PCLO: variants seen among roughly 807,000 people sequenced by gnomAD.
The protein encoded by PCLO is protein piccolo.
A neutral mutation model predicts 427.5 loss-of-function variants in PCLO; 82 were observed. The ratio of observed to expected loss-of-function variants is 0.19; its 90% CI spans 0.16 to 0.23. The LOEUF (loss-of-function observed/expected upper bound fraction) is 0.23. PCLO is among the 10% of genes least tolerant of loss of function. The probability of loss-of-function intolerance (pLI) is 1.00; values close to 1 mark genes in which losing one functional copy is unlikely to be tolerated. For synonymous variants in PCLO, 2,357 were observed against 2,155.4 expected, an observed-to-expected ratio of 1.09 and a Z score of -2.59; for missense variants, 6,239 against 6,115.9, an observed-to-expected ratio of 1.02 and a Z score of -0.67.
chr7:83,156,142 A>C lies in PCLO; in HGVS notation c.499T>G (p.Ser167Ala), dbSNP rs1270366995. 1 of 1,613,670 alleles carries C rather than the reference A, an allele frequency of 6.2e-7. No individual in the cohort carries two copies. Among genetic ancestry groups the C allele is most frequent in the African/African-American group, 1.3e-5 (1 of 74,874 alleles). Residue 167 changes from serine (S) to alanine (A), a missense_variant, in exon 2 of 25, where the codon TCC becomes GCC. Ser to Ala is a moderately conservative substitution (Grantham distance 99). Around this residue, in one of 5 missense-constraint regions of PCLO, gnomAD observed 4,677 missense variants for 4,468.4 expected, o/e 1.05. Coordinates refer to ENST00000333891, the MANE Select transcript of PCLO (RefSeq NM_033026.6). ...GGGTTGAATTTATTTACAACAGAGG[A>C]AACAGCACTTAAAGCGTTAACCTCT... ...LSEVNALSAV[S>A]SVVNKFNPFD... is the part of the protein sequence containing the mutation.
chr7:82,896,703 A>G (rs879599074), intron 9 of PCLO, among the ~76,000 whole-genome samples: 124,477 of 151,030 alleles, frequency 0.82, 51,421 homozygotes, highest in East Asian at 0.92. Context: ...CTATCCACAT[A>G]GCTCTACTAC....
At chr7:83,115,837 T>C (rs1014687247) in intron 3 of PCLO, among the ~76,000 whole-genome samples, 4 of 152,052 alleles carry the variant, frequency 2.6e-5, no homozygotes, top group African/African-American at 7.2e-5. Context: ...TATAGATTAA[T>C]ACACAACACT....
chr7:83,006,951 T>TTTTATGC (rs1265772120), intron 3 of PCLO, among the ~76,000 whole-genome samples: 1 of 151,482 alleles, frequency 6.6e-6, no homozygotes, highest in Non-Finnish European at 1.5e-5. Context: ...ATTTGCCACA[T>TTTTATGC]TATAGCATGC....
intron 16 of PCLO, among the ~76,000 whole-genome samples, chr7:82,831,307 ACT>A (rs1202209789): frequency 2.6e-5 from 4 of 152,084 alleles, no homozygotes; most frequent in Non-Finnish European, 5.9e-5. Flanking sequence ...TGTTATATGA[ACT>A]CAATTGATTA....
chr7:82,966,255 T>C lies in PCLO; in HGVS notation c.3533A>G (p.Glu1178Gly), dbSNP rs775204920. Residue 1178 changes from glutamate to glycine, a missense_variant, in exon 4 of 25, where the codon GAA (glutamate) becomes GGA (glycine). By Grantham distance (98) the Glu-to-Gly change is moderately conservative (BLOSUM62 -2). Around this residue, in one of 5 missense-constraint regions of PCLO, gnomAD observed 4,677 missense variants for 4,468.4 expected, o/e 1.05. Coordinates refer to ENST00000333891, the MANE Select transcript of PCLO (RefSeq NM_033026.6). Reference sequence around the variant, plus strand: ...AGGAATTTTTTCCATTGATAGTGTTTCCTTTACTTTTTCCAGAATGACTTT... The same window carrying C: ...AGGAATTTTTTCCATTGATAGTGTTCCCTTTACTTTTTCCAGAATGACTTT... The part of the protein sequence containing the change: ...AEKVILEKVK[E>G]TLSMEKIPPM... 16 of 1,612,000 alleles carry C rather than the reference T, an allele frequency of 9.9e-6. No individual in the cohort carries two copies. In the Admixed American group the frequency reaches 2.4e-4, roughly 24 times the overall value.
chr7:83,093,362 A>G (rs7785876), intron 3 of PCLO, among the ~76,000 whole-genome samples: 65,397 of 149,674 alleles, frequency 0.44, 14,695 homozygotes, highest in East Asian at 0.7. Context: ...AAAAATAGCA[A>G]GCAAAGCCTA....
rs1795432832 is a variant in PCLO at position 82,953,855 on chromosome 7, G to C, written c.7098C>G (p.Thr2366=). The C allele has an allele frequency of 1.2e-6, 2 of 1,613,638 alleles. No homozygotes were observed. Among genetic ancestry groups the C allele is most frequent in the Non-Finnish European group, 8.5e-7 (1 of 1,179,722 alleles). The change falls in exon 5 of 25, where the codon ACC becomes ACG. Residue 2366 remains threonine (T), a synonymous_variant. Transcript: ENST00000333891. ...GAGATGCAGGTTTTTCCTGACCAAAGGTCTCTCCAGATGTAAAGTATGTAG... is the reference window on the plus strand; with the variant it reads ...GAGATGCAGGTTTTTCCTGACCAAACGTCTCTCCAGATGTAAAGTATGTAG... The part of the protein sequence containing the change: ...LSTTYFTSGE[T]FGQEKPASQL...
chr7:82,870,642 T>G (rs1793211448), intron 10 of PCLO, among the ~76,000 whole-genome samples: 1 of 151,818 alleles, frequency 6.6e-6, no homozygotes, highest in Admixed American at 6.6e-5. Flanking sequence ...ATCAACAAAG[T>G]GAAGAGACAA....
chr7:82,953,799 G>C lies in PCLO; in HGVS notation c.7154C>G (p.Ser2385Cys), dbSNP rs1456829306. ...QLPSGSPSVS[S>C]LPAKPRPFFR... ...GAATGGGCGAGGTTTAGCTGGAAGA[G>C]AGGAAACAGAAGGACTGCCAGATGG... Residue 2385 changes from serine (S) to cysteine (C), a missense_variant, in exon 5 of 25, where the codon TCT becomes TGT. By Grantham distance (112) the Ser-to-Cys change is moderately radical. This residue lies in a region of PCLO where 4,677 missense variants were observed against 4,468.4 expected (regional missense o/e 1.05). Coordinates refer to ENST00000333891, the MANE Select transcript of PCLO (RefSeq NM_033026.6). 1 of 1,601,480 alleles carries C rather than the reference G, an allele frequency of 6.2e-7. No homozygotes were observed. Among genetic ancestry groups the C allele is most frequent in the South Asian group, 1.1e-5 (1 of 89,958 alleles).
intron 21 of PCLO, among the ~76,000 whole-genome samples, chr7:82,803,951 T>C (rs1165212433): frequency 6.6e-6 from 1 of 152,132 alleles, no homozygotes; most frequent in East Asian, 1.9e-4. Context: ...ATAAAATACA[T>C]AATCTACTTA....
intron 20 of PCLO, among the ~76,000 whole-genome samples, chr7:82,812,522 A>G (rs1376955427): frequency 6.6e-6 from 1 of 151,552 alleles, no homozygotes; most frequent in Non-Finnish European, 1.5e-5. Context: ...TTGTATAGTA[A>G]ATAATGAAAG....
intron 10 of PCLO, among the ~76,000 whole-genome samples, chr7:82,848,421 C>T (rs1792563866): frequency 6.7e-6 from 1 of 148,338 alleles, no homozygotes; most frequent in Admixed American, 7.0e-5. Flanking sequence ...AGCAATTCTC[C>T]TGCCTCAGCC....
chr7:82,774,045 T>C (rs1441118349), intron 22 of PCLO, among the ~76,000 whole-genome samples: 1 of 152,210 alleles, frequency 6.6e-6, no homozygotes. Flanking sequence ...TCCCTCCTCA[T>C]GATTCTTTAG....
At chr7:83,090,509 A>G (rs1310177318) in intron 3 of PCLO, among the ~76,000 whole-genome samples, 1 of 152,126 alleles carries the variant, frequency 6.6e-6, no homozygotes, top group East Asian at 1.9e-4. Context: ...CAGGAGTCCT[A>G]AATAATCTGA....
At chr7:83,004,314 A>T (rs780800260) in intron 3 of PCLO, among the ~76,000 whole-genome samples, 1 of 151,852 alleles carries the variant, frequency 6.6e-6, no homozygotes, top group Non-Finnish European at 1.5e-5. Flanking sequence ...ACAGACACAT[A>T]GAACAATGAA....
chr7:82,866,925 G>C (rs1305328905), intron 10 of PCLO, among the ~76,000 whole-genome samples: 1 of 152,120 alleles, frequency 6.6e-6, no homozygotes, highest in Non-Finnish European at 1.5e-5. Flanking sequence ...CTGAAGGTTA[G>C]TTGGAATTCT....
intron 10 of PCLO, among the ~76,000 whole-genome samples, chr7:82,874,145 A>G (rs369367437): frequency 6.6e-6 from 1 of 151,932 alleles, no homozygotes; most frequent in South Asian, 2.1e-4. Flanking sequence ...TGACATCTTA[A>G]TAAGTATCCT....
intron 3 of PCLO, among the ~76,000 whole-genome samples, chr7:83,096,610 T>C (rs568999765): frequency 1.3e-5 from 2 of 150,406 alleles, no homozygotes; most frequent in African/African-American, 4.9e-5. Flanking sequence ...TTAGGTGGGA[T>C]TGCCATCAAA....
chr7:82,849,766 T>C (rs1009344717), intron 10 of PCLO, among the ~76,000 whole-genome samples: 1 of 152,164 alleles, frequency 6.6e-6, no homozygotes, highest in Non-Finnish European at 1.5e-5. Flanking sequence ...TTCAATAATG[T>C]ATCTTGTCAT....
Sources: gnomAD v4.1 joint callset for allele counts (sites outside exome capture counted in the v4.1 genomes callset) on GRCh38, gnomAD v4.1.1 for gene constraint, gnomAD v4.1.1 regional missense constraint, MANE v1.5 for transcripts, NCBI Gene and HGNC (gene_info 2026-07-23, HGNC 2026-07-21) for gene names.